Variants in COPS8 observed in about 807,000 individuals in gnomAD.
COPS8 encodes COP9 signalosome complex subunit 8.
A neutral mutation model predicts 31.5 loss-of-function variants in COPS8; 11 were observed. That is an observed-to-expected ratio of 0.35 (90% CI 0.22 to 0.58). The LOEUF is 0.58. Among genes scored for constraint, COPS8 ranks in the 20% least tolerant of loss-of-function variants. The probability of loss-of-function intolerance (pLI) is 0.83; values close to 1 mark genes in which losing one functional copy is unlikely to be tolerated. For synonymous variants in COPS8, 81 were observed against 89.3 expected, an observed-to-expected ratio of 0.91 and a Z score of 0.52; for missense variants, 215 against 255.1, an observed-to-expected ratio of 0.84 and a Z score of 1.07.
chr2:237,093,093 A>G (rs1696735533), intron 4 of COPS8, among the ~76,000 whole-genome samples: 1 of 152,186 alleles, frequency 6.6e-6, no homozygotes, highest in African/African-American at 2.4e-5. Context: ...TGAATTATAA[A>G]CAGACTTAGG....
chr2:237,095,113 T>G (rs1297163033), intron 5 of COPS8, among the ~76,000 whole-genome samples: 2 of 152,176 alleles, frequency 1.3e-5, no homozygotes, highest in Non-Finnish European at 2.9e-5. Context: ...TGAAGATAGG[T>G]TAATGAAAGT....
Position 237,097,829 on chromosome 2 carries a change from G to A in COPS8, c.*87G>A. On this transcript the variant is annotated 3_prime_UTR_variant, in exon 8 of 8. Transcript: ENST00000354371. Reference sequence around the variant, plus strand: ...TAAAGTTTGTATTTTCAATTTATTGGATGGCTTAAGCACCTCAGCATTCCT... The same window carrying A: ...TAAAGTTTGTATTTTCAATTTATTGAATGGCTTAAGCACCTCAGCATTCCT... 1 of 946,474 alleles carries A rather than the reference G, an allele frequency of 1.1e-6. No individual in the cohort carries two copies. The highest frequency in any genetic ancestry group is 2.6e-5 in the East Asian group (1 of 38,986). The allele number at this position is 946,474 out of a possible 1,614,324, so 58.6% of individuals were successfully genotyped here.
At chr2:237,088,194 G>A (rs1696652780) in intron 2 of COPS8, among the ~76,000 whole-genome samples, 1 of 152,162 alleles carries the variant, frequency 6.6e-6, no homozygotes, top group South Asian at 2.1e-4. Flanking sequence ...CCACTGGTAG[G>A]AGGGGCTGTA....
Position 237,094,204 on chromosome 2 carries a change from T to C in COPS8, c.439+7T>C. ...GTAGAAGAGGCTGTGAAAGGTAATT[T>C]TGGCTTACTTTTTACTTATAAGGAA... On this transcript the variant is annotated splice_region_variant and intron_variant, in intron 5 of 7. Coordinates refer to ENST00000354371, the MANE Select transcript of COPS8 (RefSeq NM_006710.5). 3 of 1,612,522 alleles carry C rather than the reference T, an allele frequency of 1.9e-6. No individual in the cohort carries two copies. The highest frequency in any genetic ancestry group is 8.5e-7 in the Non-Finnish European group (1 of 1,179,242).
chr2:237,094,179 G>T lies in COPS8; in HGVS notation c.421G>T (p.Val141Leu). 1.2e-6 allele frequency: 2 copies of T among 1,613,762 alleles called. No homozygotes were observed. The highest frequency in any genetic ancestry group is 4.5e-5 in the East Asian group (2 of 44,876). The part of the protein sequence containing the change: ...DDFAAFVGLP[V>L]EEAVKGILEQ... ...TTTTGCAGCCTTTGTTGGACTTCCT[G>T]TAGAAGAGGCTGTGAAAGGTAATTT... The change falls in exon 5 of 8, where the codon GTA becomes TTA. Residue 141 changes from valine to leucine, a missense_variant. Val to Leu is a conservative substitution (Grantham distance 32, BLOSUM62 1). Transcript: ENST00000354371.
intron 3 of COPS8, 58 bp downstream of exon 3, chr2:237,088,711 C>A: frequency 9.0e-6 from 10 of 1,112,730 alleles, no homozygotes; most frequent in Non-Finnish European, 1.2e-5. Context: ...CCTTAAATGG[C>A]AACCTTTTAT....
At chr2:237,094,841 C>T (rs1045162926) in intron 5 of COPS8, among the ~76,000 whole-genome samples, 1 of 152,110 alleles carries the variant, frequency 6.6e-6, no homozygotes, top group African/African-American at 2.4e-5. Flanking sequence ...TGGCAGGCAC[C>T]TGTAATCCCA....
intron 5 of COPS8, among the ~76,000 whole-genome samples, chr2:237,094,515 G>A (rs376279177): frequency 1.6e-4 from 25 of 151,910 alleles, no homozygotes; most frequent in African/African-American, 4.3e-4. Flanking sequence ...TCATCCCCAC[G>A]TCCCTTTTCA....
At chr2:237,096,651 A>C (rs933592948) in intron 6 of COPS8, 171 bp from the exon 7 acceptor site, 3 of 653,600 alleles carry the variant, frequency 4.6e-6, no homozygotes, top group Non-Finnish European at 8.2e-6. Flanking sequence ...GTCAAGTGAG[A>C]TAGTGGGGGA....
chr2:237,097,224 C>CTTTTTTTTTTTTTTTTTTTT (rs996251270), intron 7 of COPS8, among the ~76,000 whole-genome samples: 7 of 95,986 alleles, frequency 7.3e-5, no homozygotes, highest in African/African-American at 2.7e-4. Context: ...TGTGGGTTTT[C>CTTTTTTTTTTTTTTTTTTTT]TTTTTTTTTT....
intron 4 of COPS8, among the ~76,000 whole-genome samples, chr2:237,090,727 G>C (rs891609235): frequency 6.6e-6 from 1 of 152,114 alleles, no homozygotes. Context: ...CAGCTTTACA[G>C]GGCAGCAGAC....
rs1696845195 is a variant in COPS8, at chr2:237,098,652, T to C, written c.*910T>C. Reference sequence around the variant, plus strand: ...AGGTTATAACAGCCCTTAGTTCATTTACTCTGCATTTGTTCAATAAATATT... The same window carrying C: ...AGGTTATAACAGCCCTTAGTTCATTCACTCTGCATTTGTTCAATAAATATT... On this transcript the variant is annotated 3_prime_UTR_variant, in exon 8 of 8. Transcript: ENST00000354371. 6.6e-6 allele frequency: 1 copy of C among 152,238 alleles called. No individual in the cohort carries two copies. The highest frequency in any genetic ancestry group is 2.4e-5 in the African/African-American group (1 of 41,466). 9.4% of individuals were successfully genotyped at this position (152,238 alleles called of 1,614,324 possible).
At chr2:237,095,085 A>G (rs1014935520) in intron 5 of COPS8, among the ~76,000 whole-genome samples, 2 of 152,206 alleles carry the variant, frequency 1.3e-5, no homozygotes, top group Non-Finnish European at 2.9e-5. Context: ...TCCAGGGCCT[A>G]GCATAGTTGT....
chr2:237,096,622 G>A, intron 6 of COPS8, 200 bp from the exon 7 acceptor site: 1 of 625,092 alleles, frequency 1.6e-6, no homozygotes, highest in Non-Finnish European at 2.8e-6. Context: ...GTTACAAAGA[G>A]TGAGAAGACA....
At chr2:237,097,508 C>G (rs2066947196) in intron 7 of COPS8, among the ~76,000 whole-genome samples, 155 bp from the exon 8 acceptor site, 1 of 152,114 alleles carries the variant, frequency 6.6e-6, no homozygotes, top group Admixed American at 6.5e-5. Context: ...AATGTCCAAG[C>G]CTCTATGATG....
intron 2 of COPS8, among the ~76,000 whole-genome samples, chr2:237,087,952 CAAA>C (rs199564314): frequency 4.0e-5 from 4 of 99,414 alleles, no homozygotes; most frequent in Admixed American, 1.2e-4. Context: ...AGCATAACTG[CAAA>C]AAAAAAAAAA....
Position 237,085,930 on chromosome 2 carries a change from G to T in COPS8, c.-35G>T. ...CTGAGGGACAGTCTGGGGTTTGGCT[G>T]TCCGGACGGTGCAGCGGCGAGGCCG... On this transcript the variant is annotated 5_prime_UTR_variant, in exon 1 of 8. Transcript: ENST00000354371. 1 of 1,602,086 alleles carries T rather than the reference G, an allele frequency of 6.2e-7. No homozygotes were observed. Among genetic ancestry groups the T allele is most frequent in the East Asian group, 2.3e-5 (1 of 44,340 alleles).
rs996251270 is a variant in COPS8, at chr2:237,097,224, C to CTTTT, written c.550+372_550+375dup. Among the ~76,000 whole-genome samples the CTTTT allele has an allele frequency of 6.4e-3, 615 of 95,792 alleles. 2 individuals carry two copies. Among genetic ancestry groups the CTTTT allele is most frequent in the Non-Finnish European group, 8.8e-3 (402 of 45,814 alleles). The allele number at this position is 95,792 out of a possible 152,430, so 62.8% of individuals were successfully genotyped here. Reference sequence around the variant, plus strand: ...TTCCTTGAGGTTCTTTGTGGGTTTTCTTTTTTTTTTTTTTTTTTTTGGTTT... The same window carrying CTTTT: ...TTCCTTGAGGTTCTTTGTGGGTTTTCTTTTTTTTTTTTTTTTTTTTTTTTGGTTT... On this transcript the variant is annotated intron_variant, in intron 7 of 7. Coordinates refer to ENST00000354371, the MANE Select transcript of COPS8 (RefSeq NM_006710.5).
intron 7 of COPS8, 41 bp downstream of exon 7, chr2:237,096,910 TC>T: frequency 7.1e-7 from 1 of 1,414,268 alleles, no homozygotes; most frequent in Non-Finnish European, 9.9e-7. Flanking sequence ...GTCTCATTGT[TC>T]CTAATTTCTT....
Sources: allele counts gnomAD v4.1 joint callset (sites outside exome capture counted in the v4.1 genomes callset), GRCh38; gene constraint gnomAD v4.1.1; transcripts MANE v1.5; gene names NCBI Gene and HGNC (gene_info 2026-07-23, HGNC 2026-07-21).